Variants in NRXN3 observed in about 807,000 individuals in gnomAD.
NRXN3 encodes neurexin 3.
A neutral mutation model predicts 137.6 loss-of-function variants in NRXN3; 32 were observed. That is an observed-to-expected ratio of 0.23 (90% CI 0.18 to 0.31). NRXN3 has a LOEUF of 0.31. Among genes scored for constraint, NRXN3 ranks in the 10% least tolerant of loss-of-function variants. NRXN3 has a pLI of 1.00. For missense variants in NRXN3, 1,574 were observed against 2,062.5 expected (o/e 0.76, Z 4.59); for synonymous variants, 798 against 784.5 (o/e 1.02, Z -0.29).
At chr14:78,384,485 A>G (rs769916560) in intron 4 of NRXN3, among the ~76,000 whole-genome samples, 2 of 152,194 alleles carry the variant, frequency 1.3e-5, no homozygotes, top group Non-Finnish European at 2.9e-5. Context: ...CATGTGTAGC[A>G]TGAGAGGTCT....
At chr14:79,219,650 A>G (rs1452226299) in intron 15 of NRXN3, among the ~76,000 whole-genome samples, 1 of 152,214 alleles carries the variant, frequency 6.6e-6, no homozygotes, top group African/African-American at 2.4e-5. Flanking sequence ...AGGATTCCAC[A>G]TACCGGTTTG....
chr14:78,444,095 C>A (rs2094341758), intron 4 of NRXN3, among the ~76,000 whole-genome samples: 1 of 152,174 alleles, frequency 6.6e-6, no homozygotes, highest in Admixed American at 6.5e-5. Context: ...AGAGTTAGGG[C>A]TTAAATAGAA....
intron 6 of NRXN3, among the ~76,000 whole-genome samples, chr14:78,694,698 A>G (rs893758303): frequency 6.6e-6 from 1 of 151,962 alleles, no homozygotes; most frequent in Non-Finnish European, 1.5e-5. Flanking sequence ...TTAGTTGGAA[A>G]TTTAAATGCT....
chr14:79,755,860 A>C (rs1474096792), intron 19 of NRXN3, among the ~76,000 whole-genome samples: 1 of 152,110 alleles, frequency 6.6e-6, no homozygotes, highest in Non-Finnish European at 1.5e-5. Context: ...ATCACCCCTT[A>C]CTTTATCTTA....
intron 8 of NRXN3, among the ~76,000 whole-genome samples, chr14:78,724,354 A>G (rs907147387): frequency 3.9e-5 from 6 of 152,262 alleles, no homozygotes; most frequent in African/African-American, 1.4e-4. Flanking sequence ...GTAGTAATCA[A>G]GAATAGAAGT....
At chr14:78,200,449 C>G (rs2061575403) in intron 1 of NRXN3, among the ~76,000 whole-genome samples, 1 of 152,148 alleles carries the variant, frequency 6.6e-6, no homozygotes, top group South Asian at 2.1e-4. Context: ...CTTCTGGGAA[C>G]TTGTGTGAAA....
intron 16 of NRXN3, among the ~76,000 whole-genome samples, chr14:79,652,462 A>C (rs2098481610): frequency 6.6e-6 from 1 of 152,158 alleles, no homozygotes; most frequent in Non-Finnish European, 1.5e-5. Context: ...GCCATATCTT[A>C]GGGGAACAAT....
At chr14:79,409,921 A>G (rs1395450477) in intron 15 of NRXN3, among the ~76,000 whole-genome samples, 1 of 151,670 alleles carries the variant, frequency 6.6e-6, no homozygotes, top group Non-Finnish European at 1.5e-5. Flanking sequence ...AATTACAACC[A>G]CAGAACTTCT....
At chr14:78,655,927 A>G (rs747663817) in intron 6 of NRXN3, among the ~76,000 whole-genome samples, 1 of 152,122 alleles carries the variant, frequency 6.6e-6, no homozygotes, top group African/African-American at 2.4e-5. Context: ...GTGTTCTCAC[A>G]TGGAAAAAAG....
At chr14:78,598,245 A>C in intron 4 of NRXN3, among the ~76,000 whole-genome samples, 1 of 152,154 alleles carries the variant, frequency 6.6e-6, no homozygotes, top group Non-Finnish European at 1.5e-5. Context: ...ATGCAGTAGC[A>C]TACCCAGCAC....
chr14:79,065,548 A>G (rs1027053502), intron 15 of NRXN3, among the ~76,000 whole-genome samples: 3 of 152,114 alleles, frequency 2.0e-5, no homozygotes, highest in Admixed American at 6.6e-5. Context: ...CTGCTGTGAC[A>G]AAGTGCCACA....
intron 4 of NRXN3, among the ~76,000 whole-genome samples, chr14:78,424,564 T>G (rs367999125): frequency 3.3e-5 from 5 of 152,320 alleles, no homozygotes; most frequent in African/African-American, 9.6e-5. Context: ...CTAGAGGAAA[T>G]GTCCTATAAA....
chr14:79,684,772 T>C (rs955664754), intron 17 of NRXN3, among the ~76,000 whole-genome samples: 1 of 152,132 alleles, frequency 6.6e-6, no homozygotes, highest in Non-Finnish European at 1.5e-5. Flanking sequence ...TGATGTTCTC[T>C]ACTTAGAAAT....
At chr14:79,021,230 G>A (rs2099589137) in intron 15 of NRXN3, among the ~76,000 whole-genome samples, 1 of 152,124 alleles carries the variant, frequency 6.6e-6, no homozygotes, top group South Asian at 2.1e-4. Flanking sequence ...TTTGCTCAGG[G>A]TCGCCTGGCT....
At chr14:79,089,882 T>C (rs1168058937) in intron 15 of NRXN3, among the ~76,000 whole-genome samples, 1 of 152,160 alleles carries the variant, frequency 6.6e-6, no homozygotes, top group Non-Finnish European at 1.5e-5. Flanking sequence ...GAATGCTTAT[T>C]TGACCTGAAT....
chr14:78,258,852 G>T (rs755418716), intron 2 of NRXN3, among the ~76,000 whole-genome samples: 2 of 152,214 alleles, frequency 1.3e-5, no homozygotes, highest in Non-Finnish European at 1.5e-5. Flanking sequence ...AACATTCCTG[G>T]CCGGGCGCGG....
chr14:79,095,494 ACGTG>A (rs2050143949), intron 15 of NRXN3, among the ~76,000 whole-genome samples: 2 of 151,992 alleles, frequency 1.3e-5, no homozygotes, highest in African/African-American at 4.8e-5. Flanking sequence ...ATTCATTCAC[ACGTG>A]CTTGCCTTCA....
At chr14:78,775,495 C>A (rs2153008862) in intron 8 of NRXN3, among the ~76,000 whole-genome samples, 1 of 152,246 alleles carries the variant, frequency 6.6e-6, no homozygotes, top group African/African-American at 2.4e-5. Context: ...CATCAACTAT[C>A]ATTACTGTTA....
chr14:79,407,640 A>G (rs2095340270), intron 15 of NRXN3, among the ~76,000 whole-genome samples: 1 of 152,148 alleles, frequency 6.6e-6, no homozygotes, highest in South Asian at 2.1e-4. Flanking sequence ...GATTAGCTGT[A>G]TGTGCCTTGG....
Sources: allele counts gnomAD v4.1 joint callset (sites outside exome capture counted in the v4.1 genomes callset), GRCh38; gene constraint gnomAD v4.1.1; transcripts MANE v1.5; gene names NCBI Gene and HGNC (gene_info 2026-07-23, HGNC 2026-07-21).